Variants in PMS1 observed in about 807,000 individuals in gnomAD.
The protein encoded by PMS1 is PMS1 homolog 1, mismatch repair system component.
In PMS1, 79 loss-of-function variants were observed where a neutral mutation model predicts 93.1. The observed-to-expected ratio is 0.85, with a 90% CI of 0.71 to 1.02. The LOEUF is 1.02. Among genes scored for constraint, PMS1 ranks in the 50% least tolerant of loss-of-function variants. The probability of loss-of-function intolerance (pLI) is 0.00; values close to 1 mark genes in which losing one functional copy is unlikely to be tolerated. For synonymous variants in PMS1, 335 were observed against 363.4 expected, an observed-to-expected ratio of 0.92 and a Z score of 0.89; for missense variants, 1,064 against 1,085.3, an observed-to-expected ratio of 0.98 and a Z score of 0.28.
intron 2 of PMS1, among the ~76,000 whole-genome samples, chr2:189,795,293 AAC>A (rs147496124): frequency 0.035 from 5,358 of 152,262 alleles, 106 homozygotes; most frequent in South Asian, 0.07. Context: ...AAAATAAGAA[AAC>A]AAAAAACAAA....
Position 189,791,916 on chromosome 2 carries a change from G to C in PMS1, c.107G>C (p.Gly36Ala). 1.6e-5 allele frequency: 26 copies of C among 1,614,016 alleles called. No homozygotes were observed. The highest frequency in any genetic ancestry group is 2.1e-5 in the Non-Finnish European group (25 of 1,179,896). ...CTTATTGAAAACTCCTTGGATGCTGGTGCCACAAGCGTAGATGTTAAACTG... is the reference window on the plus strand; with the variant it reads ...CTTATTGAAAACTCCTTGGATGCTGCTGCCACAAGCGTAGATGTTAAACTG... ...KELIENSLDA[G>A]ATSVDVKLEN... The change falls in exon 2 of 13, where the codon GGT becomes GCT. Residue 36 changes from glycine to alanine, a missense_variant. Transcript: ENST00000441310.
intron 6 of PMS1, among the ~76,000 whole-genome samples, chr2:189,846,068 A>G (rs1449576763): frequency 6.6e-6 from 1 of 152,072 alleles, no homozygotes; most frequent in Admixed American, 6.6e-5. Context: ...ACTTCCACAG[A>G]AAGAGGGGAC....
intron 12 of PMS1, 98 bp downstream of exon 12, chr2:189,873,754 C>T: frequency 1.2e-6 from 1 of 804,134 alleles, no homozygotes; most frequent in Non-Finnish European, 2.1e-6. Flanking sequence ...GGTGAGCGGC[C>T]TCCTAGCGGG....
At chr2:189,864,657 GAAAAAAAAAAAAAA>G (rs59807167) in intron 10 of PMS1, among the ~76,000 whole-genome samples, 1 of 3,664 alleles carries the variant, frequency 2.7e-4, no homozygotes. Flanking sequence ...GTCTGTCTCA[GAAAAAAAAAAAAAA>G]AAAAAAAAAA....
chr2:189,857,259 A>G (rs191468601), intron 9 of PMS1: 141 of 162,602 alleles, frequency 8.7e-4, no homozygotes, highest in Middle Eastern at 3.1e-3. Context: ...TTTGGAGGCC[A>G]GAAATAGAAA....
chr2:189,855,790 G>T, intron 9 of PMS1: 2 of 506,726 alleles, frequency 3.9e-6, no homozygotes, highest in Non-Finnish European at 6.0e-6. Flanking sequence ...CTGAATAAAT[G>T]TTCCAAAATA....
chr2:189,860,149 A>G (rs924572854), intron 9 of PMS1, among the ~76,000 whole-genome samples: 1 of 152,206 alleles, frequency 6.6e-6, no homozygotes, highest in Non-Finnish European at 1.5e-5. Context: ...ATTTTCATAC[A>G]TGTGTACACA....
chr2:189,875,414 C>G (rs998382081), intron 12 of PMS1, among the ~76,000 whole-genome samples: 6 of 151,896 alleles, frequency 4.0e-5, no homozygotes, highest in African/African-American at 1.5e-4. Flanking sequence ...GATTTCGCAT[C>G]CCATGGTACT....
intron 5 of PMS1, among the ~76,000 whole-genome samples, chr2:189,831,893 G>T (rs999488042): frequency 4.6e-5 from 7 of 151,908 alleles, no homozygotes; most frequent in Non-Finnish European, 1.0e-4. Context: ...GCAATTTCTG[G>T]TTATTTTTAG....
chr2:189,867,046 T>C (rs1165912080), intron 10 of PMS1, among the ~76,000 whole-genome samples: 1 of 152,210 alleles, frequency 6.6e-6, no homozygotes, highest in African/African-American at 2.4e-5. Context: ...AGCAAAGATA[T>C]CAGCGTACTG....
chr2:189,795,957 G>A lies in PMS1; in HGVS notation c.315+6G>A, dbSNP rs5742981. 55,580 of 1,578,098 alleles carry A rather than the reference G, an allele frequency of 0.035. 1,236 individuals are homozygous for A. Among genetic ancestry groups the A allele is most frequent in the Admixed American group, 0.055 (3,282 of 59,966 alleles). On this transcript the variant is annotated splice_donor_region_variant and intron_variant, in intron 3 of 12. Coordinates refer to ENST00000441310, the MANE Select transcript of PMS1 (RefSeq NM_000534.5). ...CAATTTGTTGTATAGCTGAGGTAAG[G>A]TAATTATATTGGTTATTTTAGTGAT...
chr2:189,839,200 C>G (rs1055735473), intron 5 of PMS1, among the ~76,000 whole-genome samples: 1 of 152,034 alleles, frequency 6.6e-6, no homozygotes, highest in Non-Finnish European at 1.5e-5. Context: ...CCATGCTGGC[C>G]AGCTGGTCTT....
At chr2:189,824,605 A>G (rs996389463) in intron 5 of PMS1, among the ~76,000 whole-genome samples, 3 of 152,036 alleles carry the variant, frequency 2.0e-5, no homozygotes, top group Admixed American at 6.5e-5. Flanking sequence ...AAGTTCCTCT[A>G]TAGCCTTCAG....
intron 6 of PMS1, 30 bp from the exon 7 acceptor site, chr2:189,852,625 G>A (rs1294319270): frequency 6.3e-7 from 1 of 1,594,662 alleles, no homozygotes; most frequent in South Asian, 1.1e-5. Context: ...CTACATTGTT[G>A]ACATTGCATA....
chr2:189,797,405 A>G (rs2049457960), intron 3 of PMS1, among the ~76,000 whole-genome samples: 1 of 152,174 alleles, frequency 6.6e-6, no homozygotes, highest in African/African-American at 2.4e-5. Context: ...GTTTGTAGCA[A>G]AGCCCGTCTA....
rs561168809 is a variant in PMS1, at chr2:189,875,955, CAAAAAAAAA to C, written c.2635-1300_2635-1292del. Among the ~76,000 whole-genome samples the C allele has an allele frequency of 1.9e-4, 9 of 46,182 alleles. 1 individual carries two copies. The highest frequency in any genetic ancestry group is 6.0e-4 in the East Asian group (1 of 1,674). The allele number at this position is 46,182 out of a possible 152,430, so 30.3% of individuals were successfully genotyped here. On this transcript the variant is annotated intron_variant, in intron 12 of 12. Coordinates refer to ENST00000441310, the MANE Select transcript of PMS1 (RefSeq NM_000534.5). ...TGGGCGATAGAGCTAGACTCTGTCTCAAAAAAAAAAAAAAAAAAAAAAAAATTGCAGGGG... is the reference window on the plus strand; with the variant it reads ...TGGGCGATAGAGCTAGACTCTGTCTCAAAAAAAAAAAAAAAATTGCAGGGG...
intron 5 of PMS1, among the ~76,000 whole-genome samples, chr2:189,832,421 G>A (rs1027627749): frequency 8.5e-5 from 13 of 152,100 alleles, no homozygotes; most frequent in African/African-American, 3.1e-4. Context: ...AATTGCCTCA[G>A]GGTTCAAAGA....
chr2:189,852,703 A>T lies in PMS1; in HGVS notation c.748A>T (p.Thr250Ser), dbSNP rs2106449598. 1 of 1,591,836 alleles carries T rather than the reference A, an allele frequency of 6.3e-7. No homozygotes were observed. Among genetic ancestry groups the T allele is most frequent in the Non-Finnish European group, 8.6e-7 (1 of 1,159,908 alleles). Reference protein sequence around the residue: ...LPKCDADHSFTSLSTPERSFI... With the variant: ...LPKCDADHSFSSLSTPERSFI... ...AAAGTGTGATGCAGACCACTCTTTC[A>T]CTAGTCTTTCAACACCAGAAAGAAG... Residue 250 changes from threonine to serine, a missense_variant, in exon 7 of 13, where the codon ACT becomes TCT. Thr to Ser is a moderately conservative substitution (Grantham distance 58). Transcript: ENST00000441310.
intron 5 of PMS1, among the ~76,000 whole-genome samples, chr2:189,819,060 C>T (rs1402283752): frequency 6.6e-6 from 1 of 152,178 alleles, no homozygotes; most frequent in Admixed American, 6.5e-5. Context: ...CCCTCTCTAC[C>T]TTTGTGAGTC....
Sources: gnomAD v4.1 joint callset for allele counts (sites outside exome capture counted in the v4.1 genomes callset) on GRCh38, gnomAD v4.1.1 for gene constraint, MANE v1.5 for transcripts, NCBI Gene and HGNC (gene_info 2026-07-23, HGNC 2026-07-21) for gene names.